SSH1: variants seen among roughly 807,000 people sequenced by gnomAD.
SSH1 encodes slingshot protein phosphatase 1, also known as protein phosphatase Slingshot homolog 1.
SSH1 carries 43 observed loss-of-function variants against 79.7 expected under a neutral mutation model. That is an observed-to-expected ratio of 0.54 (90% CI 0.42 to 0.70). SSH1 has a LOEUF of 0.70. SSH1 is among the 30% of genes least tolerant of loss of function. The pLI is 0.00. For missense variants in SSH1, 1,206 were observed against 1,358.8 expected (o/e 0.89, Z 1.77); for synonymous variants, 599 against 538.3 (o/e 1.11, Z -1.56).
chr12:108,839,318 C>G (rs1593119810), intron 2 of SSH1, among the ~76,000 whole-genome samples: 1 of 152,216 alleles, frequency 6.6e-6, no homozygotes, highest in Non-Finnish European at 1.5e-5. Flanking sequence ...GCTGTAGGGG[C>G]AGCCAACAGG....
intron 2 of SSH1, 90 bp from the exon 3 acceptor site, chr12:108,823,451 G>C: frequency 9.7e-7 from 1 of 1,034,806 alleles, no homozygotes; most frequent in Non-Finnish European, 1.5e-6. Flanking sequence ...GCTTTAGCGT[G>C]GACAAATGGC....
rs1375171837 is a variant in SSH1 at position 108,785,781 on chromosome 12, A to C, written c.*2207T>G. 1.8e-4 allele frequency: 27 copies of C among 152,370 alleles called. No individual in the cohort carries two copies. Among genetic ancestry groups the C allele is most frequent in the Non-Finnish European group, 1.5e-5 (1 of 68,030 alleles). 9.4% of individuals were successfully genotyped at this position (152,370 alleles called of 1,614,324 possible). ...GTTAAAAAACCAACAAAAGCCTGTC[A>C]TCACTAAATTTAAAAGATTATTTTG... On this transcript the variant is annotated 3_prime_UTR_variant, in exon 15 of 15. Coordinates refer to ENST00000326495, the MANE Select transcript of SSH1 (RefSeq NM_018984.4).
intron 11 of SSH1, among the ~76,000 whole-genome samples, chr12:108,801,736 TA>T (rs10710750): frequency 0.35 from 47,811 of 137,722 alleles, 8,459 homozygotes; most frequent in East Asian, 0.75. Context: ...TGTGTTGTTT[TA>T]AAAAAAAAAA....
intron 2 of SSH1, chr12:108,836,794 C>A (rs78288763): frequency 0.01 from 4,138 of 401,796 alleles, 165 homozygotes; most frequent in African/African-American, 0.077. Flanking sequence ...AAATCAAGTG[C>A]CACCTTATGG....
At chr12:108,806,194 A>G in intron 9 of SSH1, 107 bp downstream of exon 9, 2 of 1,038,744 alleles carry the variant, frequency 1.9e-6, no homozygotes, top group Non-Finnish European at 3.1e-6. Flanking sequence ...ACCAGAGGAC[A>G]GGTAAAGACA....
Position 108,798,897 on chromosome 12 carries a change from G to A in SSH1, c.1349+103C>T, listed in dbSNP as rs545921227. 387 of 1,383,614 alleles carry A rather than the reference G, an allele frequency of 2.8e-4. 1 individual carries two copies. Among genetic ancestry groups the A allele is most frequent in the Non-Finnish European group, 3.7e-4 (369 of 986,650 alleles). 85.7% of individuals were successfully genotyped at this position (1,383,614 alleles called of 1,614,324 possible). On this transcript the variant is annotated intron_variant, in intron 13 of 14. Transcript: ENST00000326495. ...TTTTGGCTGTGGAAGCGGCTGCTGGGCCGAATGGGAGCATGCTCTGCTGCC... is the reference window on the plus strand; with the variant it reads ...TTTTGGCTGTGGAAGCGGCTGCTGGACCGAATGGGAGCATGCTCTGCTGCC...
chr12:108,844,794 C>T (rs552913310), intron 2 of SSH1, among the ~76,000 whole-genome samples: 7 of 152,164 alleles, frequency 4.6e-5, no homozygotes, highest in Non-Finnish European at 7.3e-5. Context: ...GCAAGCACCA[C>T]GAATTCTCCA....
At chr12:108,815,715 G>A (rs549669235) in intron 5 of SSH1, among the ~76,000 whole-genome samples, 1 of 152,248 alleles carries the variant, frequency 6.6e-6, no homozygotes, top group African/African-American at 2.4e-5. Context: ...CACCTCCTAT[G>A]CTACAGGTTC....
intron 13 of SSH1, among the ~76,000 whole-genome samples, chr12:108,797,017 C>G (rs1169670055): frequency 6.6e-6 from 1 of 152,222 alleles, no homozygotes; most frequent in Non-Finnish European, 1.5e-5. Flanking sequence ...ACTGGGATTA[C>G]AGGCATGAGC....
At position 108,781,208 on chromosome 12, in the gene SSH1, CAGG is replaced by C. The variant is rs2036142775; in HGVS notation, c.*6777_*6779del. On this transcript the variant is annotated 3_prime_UTR_variant, in exon 15 of 15. Coordinates refer to ENST00000326495, the MANE Select transcript of SSH1 (RefSeq NM_018984.4). ...CTGAGGCAGGAGGATCATCAGAAACCAGGAGTTCAAGACCAGTCTGGGCAACAT... is the reference window on the plus strand; with the variant it reads ...CTGAGGCAGGAGGATCATCAGAAACCAGTTCAAGACCAGTCTGGGCAACAT... 6.6e-6 allele frequency: 1 copy of C among 151,926 alleles called. No individual in the cohort carries two copies. Among genetic ancestry groups the C allele is most frequent in the African/African-American group, 2.4e-5 (1 of 41,332 alleles). 9.4% of individuals were successfully genotyped at this position (151,926 alleles called of 1,614,324 possible). A position where few individuals can be genotyped will look rare whatever the true frequency, so the allele number is the denominator to read the frequency against.
In SSH1 at chr12:108,792,001, A is replaced by G. The variant is rs1487097348; in HGVS notation, c.1893+285T>C. ...TGGAAGCCCTGCCCAGGGTATGAATAAGGTACATGGGGTGAAGATGGTGTG... is the reference window on the plus strand; with the variant it reads ...TGGAAGCCCTGCCCAGGGTATGAATGAGGTACATGGGGTGAAGATGGTGTG... On this transcript the variant is annotated intron_variant, in intron 14 of 14. Coordinates refer to ENST00000326495, the MANE Select transcript of SSH1 (RefSeq NM_018984.4). 15 of 1,360,658 alleles carry G rather than the reference A, an allele frequency of 1.1e-5. No individual in the cohort carries two copies. In the South Asian group the frequency reaches 3.0e-4, roughly 27 times the overall value. 84.3% of individuals were successfully genotyped at this position (1,360,658 alleles called of 1,614,324 possible).
In SSH1 at chr12:108,785,956, TTTAA is replaced by T. The variant is rs1365119640; in HGVS notation, c.*2028_*2031del. ...GTGGATAATCACCTTTTAAGGTGAT[TTTAA>T]TTGACACTAGTGGGAAAACAGCTCC... On this transcript the variant is annotated 3_prime_UTR_variant, in exon 15 of 15. Transcript: ENST00000326495. 2 of 152,180 alleles carry T rather than the reference TTTAA, an allele frequency of 1.3e-5. No individual in the cohort carries two copies. The highest frequency in any genetic ancestry group is 1.9e-4 in the East Asian group (1 of 5,194). 9.4% of individuals were successfully genotyped at this position (152,180 alleles called of 1,614,324 possible).
chr12:108,804,911 G>C (rs2037199735), intron 10 of SSH1, 145 bp downstream of exon 10: 1 of 946,156 alleles, frequency 1.1e-6, no homozygotes, highest in Non-Finnish European at 1.6e-6. Context: ...GGGCCAAAGA[G>C]GGGAGCTCCT....
rs2036215132 is a variant in SSH1, at chr12:108,784,446, C to G, written c.*3542G>C. On this transcript the variant is annotated 3_prime_UTR_variant, in exon 15 of 15. Transcript: ENST00000326495. Reference sequence around the variant, plus strand: ...AGCAACAGGGTGCCAAGGAGAAGGGCTTGCCACCCAGCAGAGAGCTATTCA... The same window carrying G: ...AGCAACAGGGTGCCAAGGAGAAGGGGTTGCCACCCAGCAGAGAGCTATTCA... 6.6e-6 allele frequency: 1 copy of G among 152,274 alleles called. No individual in the cohort carries two copies. The highest frequency in any genetic ancestry group is 1.5e-5 in the Non-Finnish European group (1 of 68,092). 9.4% of individuals were successfully genotyped at this position (152,274 alleles called of 1,614,324 possible). A position where few individuals can be genotyped will look rare whatever the true frequency, so the allele number is the denominator to read the frequency against.
intron 13 of SSH1, among the ~76,000 whole-genome samples, chr12:108,793,694 C>G (rs1481566594): frequency 6.6e-6 from 1 of 152,056 alleles, no homozygotes; most frequent in Admixed American, 6.5e-5. Context: ...CTGCACCAAG[C>G]CCTGTAATAC....
chr12:108,842,759 G>A (rs1194169704), intron 2 of SSH1, among the ~76,000 whole-genome samples: 1 of 152,180 alleles, frequency 6.6e-6, no homozygotes, highest in Non-Finnish European at 1.5e-5. Flanking sequence ...ATTTTGGGGT[G>A]AAGAGCACAG....
rs2039066895 is a variant in SSH1 at position 108,852,663 on chromosome 12, C to T, written c.85G>A (p.Glu29Lys). ...ASNSELEAGS[E>K]EDRKLNLSLS... The stretch of plus-strand genomic sequence containing the variant: ...CTGAGGTTTAATTTTCGATCTTCTT[C>T]GCTGCCAGCCTCCAACTACAGAGAA... Residue 29 changes from glutamate to lysine, a missense_variant, in exon 2 of 15, where the codon GAA becomes AAA. By Grantham distance (56) the Glu-to-Lys change is moderately conservative. Around this residue, in one of 5 missense-constraint regions of SSH1, gnomAD observed 100 missense variants for 82.3 expected, o/e 1.21. Transcript: ENST00000326495. 1.2e-6 allele frequency: 2 copies of T among 1,614,022 alleles called. No individual in the cohort carries two copies. Among genetic ancestry groups the T allele is most frequent in the African/African-American group, 1.3e-5 (1 of 74,914 alleles).
chr12:108,825,523 C>T (rs1197330773), intron 2 of SSH1, among the ~76,000 whole-genome samples: 4 of 152,196 alleles, frequency 2.6e-5, no homozygotes. Context: ...AGTGACTGCT[C>T]AAATATTAAG....
At chr12:108,810,251 G>C (rs1432654932) in intron 6 of SSH1, among the ~76,000 whole-genome samples, 1 of 151,888 alleles carries the variant, frequency 6.6e-6, no homozygotes, top group East Asian at 1.9e-4. Flanking sequence ...GCCAGGGGTG[G>C]TGGCTCACGC....
Sources: gnomAD v4.1 joint callset for allele counts (sites outside exome capture counted in the v4.1 genomes callset) on GRCh38, gnomAD v4.1.1 for gene constraint, gnomAD v4.1.1 regional missense constraint, MANE v1.5 for transcripts, NCBI Gene and HGNC (gene_info 2026-07-23, HGNC 2026-07-21) for gene names.